Variants in DOCK2 observed in about 807,000 individuals in gnomAD.
The protein encoded by DOCK2 is dedicator of cytokinesis protein 2.
In DOCK2, 87 loss-of-function variants were observed where a neutral mutation model predicts 248.9. The ratio of observed to expected loss-of-function variants is 0.35; its 90% confidence interval spans 0.29 to 0.42. The LOEUF (loss-of-function observed/expected upper bound fraction) is 0.42. Among genes scored for constraint, DOCK2 ranks in the 10% least tolerant of loss-of-function variants. The pLI, the probability that DOCK2 is intolerant of heterozygous loss-of-function variation, is 1.00. For missense variants in DOCK2, 1,747 were observed against 2,300.2 expected (o/e 0.76, Z 4.92); for synonymous variants, 805 against 821.6 (o/e 0.98, Z 0.35).
intron 27 of DOCK2, among the ~76,000 whole-genome samples, chr5:169,974,614 G>A (rs1252463520): frequency 1.3e-5 from 2 of 152,090 alleles, no homozygotes; most frequent in Admixed American, 6.5e-5. Flanking sequence ...AAGAGTGGGA[G>A]CGGAGCTGCT....
At position 169,795,414 on chromosome 5, in the gene DOCK2, C is replaced by T. The variant is rs532588648; in HGVS notation, c.2555-7644C>T. ...CATAAAGTGGAGACGTAGATGGCGCCGGAGGCTCGCCAGAGGGCTGCAGGT... is the reference window on the plus strand; with the variant it reads ...CATAAAGTGGAGACGTAGATGGCGCTGGAGGCTCGCCAGAGGGCTGCAGGT... On this transcript the variant is annotated intron_variant, in intron 25 of 51. Coordinates refer to ENST00000520908, the MANE Select transcript of DOCK2 (RefSeq NM_004946.3). Among the ~76,000 whole-genome samples the T allele has an allele frequency of 1.3e-4, 20 of 152,176 alleles. 1 individual carries two copies. The highest frequency in any genetic ancestry group is 4.2e-4 in the South Asian group (2 of 4,806).
intron 27 of DOCK2, among the ~76,000 whole-genome samples, chr5:169,920,889 A>T (rs73325988): frequency 0.019 from 2,848 of 152,238 alleles, 86 homozygotes; most frequent in African/African-American, 0.065. Flanking sequence ...AGTAGTGGGC[A>T]GTTGTTTTCC....
At chr5:169,887,830 C>T (rs916905638) in intron 27 of DOCK2, among the ~76,000 whole-genome samples, 1 of 152,180 alleles carries the variant, frequency 6.6e-6, no homozygotes, top group Admixed American at 6.5e-5. Context: ...TGAAGTTCTA[C>T]TAACGTGCAA....
chr5:169,689,368 C>T (rs1760165518), intron 9 of DOCK2, 35 bp downstream of exon 9: 1 of 1,609,838 alleles, frequency 6.2e-7, no homozygotes, highest in Non-Finnish European at 8.5e-7. Context: ...ACCGTGCTCC[C>T]CAACCACAAA....
intron 5 of DOCK2, 124 bp from the exon 6 acceptor site, chr5:169,674,173 A>G: frequency 2.7e-6 from 3 of 1,122,746 alleles, no homozygotes; most frequent in South Asian, 3.4e-5. Flanking sequence ...TGTAGTGGGT[A>G]GGGCAGGGAG....
At chr5:170,081,811 C>A in intron 50 of DOCK2, 31 bp from the exon 51 acceptor site, 5 of 1,593,872 alleles carry the variant, frequency 3.1e-6, no homozygotes, top group Non-Finnish European at 3.4e-6. Flanking sequence ...TCTACCCACC[C>A]ATTCACACCC....
At chr5:170,019,617 T>C (rs73312360) in intron 33 of DOCK2, among the ~76,000 whole-genome samples, 26,523 of 152,072 alleles carry the variant, frequency 0.17, 3,137 homozygotes, top group African/African-American at 0.31. Context: ...GACACTGGCC[T>C]CAGCATGGAG....
intron 27 of DOCK2, among the ~76,000 whole-genome samples, chr5:169,861,054 A>G (rs957129767): frequency 3.3e-5 from 5 of 152,228 alleles, no homozygotes; most frequent in African/African-American, 9.6e-5. Context: ...TCATGCCTGT[A>G]CATCCATGGA....
intron 27 of DOCK2, among the ~76,000 whole-genome samples, chr5:169,903,529 C>CG (rs1265755113): frequency 2.0e-3 from 47 of 23,676 alleles, no homozygotes; most frequent in Non-Finnish European, 3.3e-3. Context: ...CAGCGGGGGC[C>CG]GGGGGGCAGG....
chr5:169,706,726 A>C (rs1761286864), intron 14 of DOCK2, among the ~76,000 whole-genome samples: 1 of 152,214 alleles, frequency 6.6e-6, no homozygotes, highest in Admixed American at 6.5e-5. Flanking sequence ...TTAAAGATAC[A>C]TTCTGAAAGG....
intron 27 of DOCK2, among the ~76,000 whole-genome samples, chr5:169,927,322 G>C (rs1775509068): frequency 6.6e-6 from 1 of 152,194 alleles, no homozygotes; most frequent in Non-Finnish European, 1.5e-5. Flanking sequence ...GCAAGGCAGA[G>C]TTCTCAAGCT....
At chr5:169,832,412 C>T (rs2113295476) in intron 26 of DOCK2, among the ~76,000 whole-genome samples, 1 of 152,316 alleles carries the variant, frequency 6.6e-6, no homozygotes, top group South Asian at 2.1e-4. Context: ...GGACACTCAC[C>T]CAGTGGGTGG....
chr5:169,878,647 T>C (rs1772464490), intron 27 of DOCK2, among the ~76,000 whole-genome samples: 1 of 152,230 alleles, frequency 6.6e-6, no homozygotes, highest in Non-Finnish European at 1.5e-5. Flanking sequence ...TTGAAATAAA[T>C]TTGAAAAGAG....
intron 26 of DOCK2, among the ~76,000 whole-genome samples, chr5:169,819,479 G>T (rs948965536): frequency 6.6e-6 from 1 of 152,118 alleles, no homozygotes; most frequent in African/African-American, 2.4e-5. Context: ...AAATTAGCTG[G>T]TCATGGTAGC....
At chr5:169,819,641 G>A (rs1581237768) in intron 26 of DOCK2, among the ~76,000 whole-genome samples, 2 of 152,150 alleles carry the variant, frequency 1.3e-5, no homozygotes, top group Non-Finnish European at 2.9e-5. Flanking sequence ...AAACAGATTG[G>A]GTTCCAAGAT....
rs559325276 is a variant in DOCK2 at position 170,000,218 on chromosome 5, G to T, written c.3072+4054G>T. 12 of 152,296 alleles carry T rather than the reference G, an allele frequency of 7.9e-5. No homozygotes were observed. The East Asian group carries it at 2.3e-3, about 29-fold the overall frequency. 9.4% of individuals were successfully genotyped at this position (152,296 alleles called of 1,614,324 possible). ...CACTGCCCTACCCTCAAGGATCTTG[G>T]AATCTTGATAGAAGGCTATACAAAT... On this transcript the variant is annotated intron_variant, in intron 30 of 51. Coordinates refer to ENST00000520908, the MANE Select transcript of DOCK2 (RefSeq NM_004946.3).
chr5:170,049,282 T>C (rs1333221706), intron 40 of DOCK2, among the ~76,000 whole-genome samples: 1 of 152,148 alleles, frequency 6.6e-6, no homozygotes, highest in Non-Finnish European at 1.5e-5. Flanking sequence ...GCCCAGCTAA[T>C]TTTTGTATTT....
chr5:169,833,810 A>G (rs1769387531), intron 26 of DOCK2, among the ~76,000 whole-genome samples: 1 of 152,232 alleles, frequency 6.6e-6, no homozygotes, highest in African/African-American at 2.4e-5. Context: ...CACATCATGC[A>G]GGGATCAGAC....
At chr5:169,852,551 C>A (rs971727617) in intron 27 of DOCK2, among the ~76,000 whole-genome samples, 1 of 152,148 alleles carries the variant, frequency 6.6e-6, no homozygotes, top group Non-Finnish European at 1.5e-5. Context: ...AGTGCAGATC[C>A]CCATTTTGCT....
Sources: gnomAD v4.1 joint callset for allele counts (sites outside exome capture counted in the v4.1 genomes callset) on GRCh38, gnomAD v4.1.1 for gene constraint, MANE v1.5 for transcripts, NCBI Gene and HGNC (gene_info 2026-07-23, HGNC 2026-07-21) for gene names.